GRM7: variants seen among roughly 807,000 people sequenced by gnomAD.
GRM7 encodes the protein metabotropic glutamate receptor 7.
A neutral mutation model predicts 84.5 loss-of-function variants in GRM7; 35 were observed. The observed-to-expected ratio is 0.41, with a 90% CI of 0.32 to 0.55. The LOEUF (loss-of-function observed/expected upper bound fraction) is 0.55. GRM7 is among the 20% of genes least tolerant of loss of function. The pLI is 0.19. For synonymous variants in GRM7, 487 were observed against 455.1 expected (o/e 1.07, Z -0.89); for missense variants, 1,003 against 1,194.6 (o/e 0.84, Z 2.36).
chr3:7,554,192 AC>A (rs781633503), intron 7 of GRM7, among the ~76,000 whole-genome samples: 1 of 152,176 alleles, frequency 6.6e-6, no homozygotes, highest in Admixed American at 6.5e-5. Context: ...CAGTCCTTGA[AC>A]CTAAAGCTTT....
intron 1 of GRM7, among the ~76,000 whole-genome samples, chr3:6,969,552 T>TA (rs1693656248): frequency 6.6e-6 from 1 of 152,176 alleles, no homozygotes; most frequent in South Asian, 2.1e-4. Context: ...TATAAAGAGC[T>TA]CTGTCAGGTT....
intron 4 of GRM7, among the ~76,000 whole-genome samples, chr3:7,388,336 C>T (rs1453458363): frequency 6.6e-6 from 1 of 151,910 alleles, no homozygotes; most frequent in Non-Finnish European, 1.5e-5. Context: ...CTGCTGGGTT[C>T]AGTTTGCTAG....
intron 4 of GRM7, among the ~76,000 whole-genome samples, chr3:7,332,753 A>T (rs566316170): frequency 2.5e-4 from 38 of 152,288 alleles, no homozygotes; most frequent in Non-Finnish European, 5.1e-4. Flanking sequence ...TTTGAAAGAA[A>T]CAGCTTACTG....
At chr3:7,262,620 T>C (rs1698475060) in intron 2 of GRM7, among the ~76,000 whole-genome samples, 1 of 152,248 alleles carries the variant, frequency 6.6e-6, no homozygotes, top group African/African-American at 2.4e-5. Context: ...CATCTAAGCC[T>C]GGTTAAGAAT....
intron 2 of GRM7, among the ~76,000 whole-genome samples, chr3:7,259,522 A>G (rs1698329745): frequency 6.6e-6 from 1 of 152,018 alleles, no homozygotes; most frequent in African/African-American, 2.4e-5. Context: ...CCCCACTTAT[A>G]AGTGATAATA....
At chr3:7,021,102 T>C (rs1874966) in intron 1 of GRM7, among the ~76,000 whole-genome samples, 46 of 152,310 alleles carry the variant, frequency 3.0e-4, no homozygotes, top group African/African-American at 9.1e-4. Context: ...CTTATTATCT[T>C]TGAGCTATTA....
chr3:7,089,601 A>G (rs1253558783), intron 1 of GRM7, among the ~76,000 whole-genome samples: 2 of 152,212 alleles, frequency 1.3e-5, no homozygotes, highest in Non-Finnish European at 2.9e-5. Context: ...GACAGTTAAC[A>G]TAAGCATGGA....
At chr3:7,359,092 A>ACTCAGTCCACGCCTTGT (rs1693542995) in intron 4 of GRM7, among the ~76,000 whole-genome samples, 2 of 139,796 alleles carry the variant, frequency 1.4e-5, no homozygotes, top group African/African-American at 5.6e-5. Flanking sequence ...AGCCTGAGTG[A>ACTCAGTCCACGCCTTGT]TAGAGTGAGA....
At chr3:7,299,714 A>G (rs1406803253) in intron 3 of GRM7, among the ~76,000 whole-genome samples, 1 of 150,878 alleles carries the variant, frequency 6.6e-6, no homozygotes. Flanking sequence ...TTTATCATGG[A>G]GATCACTGAA....
At chr3:7,064,505 C>CACATAT (rs1553612672) in intron 1 of GRM7, among the ~76,000 whole-genome samples, 1 of 101,002 alleles carries the variant, frequency 9.9e-6, no homozygotes, top group Non-Finnish European at 2.1e-5. Flanking sequence ...TATATATACA[C>CACATAT]ATATATATAT....
intron 4 of GRM7, among the ~76,000 whole-genome samples, chr3:7,375,150 A>G (rs1192744322): frequency 6.6e-6 from 1 of 151,656 alleles, no homozygotes; most frequent in Non-Finnish European, 1.5e-5. Context: ...TAAACAATCA[A>G]GTCCATACTG....
chr3:7,491,580 G>A (rs1317686618), intron 7 of GRM7, among the ~76,000 whole-genome samples: 1 of 152,200 alleles, frequency 6.6e-6, no homozygotes. Flanking sequence ...CATTGACAAG[G>A]TGAGGGAGGT....
At chr3:6,980,360 A>G (rs1233577236) in intron 1 of GRM7, among the ~76,000 whole-genome samples, 1 of 152,162 alleles carries the variant, frequency 6.6e-6, no homozygotes, top group African/African-American at 2.4e-5. Flanking sequence ...CATTTCATAT[A>G]TAATTTTTGG....
chr3:7,401,379 T>C (rs1438127555), intron 4 of GRM7, among the ~76,000 whole-genome samples: 1 of 152,126 alleles, frequency 6.6e-6, no homozygotes, highest in African/African-American at 2.4e-5. Context: ...CGTTTTGTTG[T>C]TGGAAACATC....
intron 8 of GRM7, among the ~76,000 whole-genome samples, chr3:7,675,520 G>C (rs1700086451): frequency 6.6e-6 from 1 of 152,154 alleles, no homozygotes; most frequent in African/African-American, 2.4e-5. Flanking sequence ...AAGGCATCTT[G>C]TGATATGCAT....
chr3:7,072,273 G>A (rs1341828805), intron 1 of GRM7, among the ~76,000 whole-genome samples: 1 of 152,112 alleles, frequency 6.6e-6, no homozygotes, highest in Non-Finnish European at 1.5e-5. Context: ...TGTCATACAT[G>A]AGGTTCTGTG....
rs1559547085 is a variant in GRM7 at position 7,276,802 on chromosome 3, C to CCTTCCTTCCTTT, written c.737-21879_737-21878insCCTTCCTTTCTT. Among the ~76,000 whole-genome samples the CCTTCCTTCCTTT allele has an allele frequency of 2.8e-5, 2 of 72,204 alleles. 1 individual carries two copies. Among genetic ancestry groups the CCTTCCTTCCTTT allele is most frequent in the Non-Finnish European group, 5.4e-5 (2 of 36,956 alleles). 47.4% of individuals were successfully genotyped at this position (72,204 alleles called of 152,430 possible). Reference sequence around the variant, plus strand: ...TCCTTCCTTCCTTCCTTCCTTCCTTCCTTTTTGGTGGTGGCATGTTGTTGT... The same window carrying CCTTCCTTCCTTT: ...TCCTTCCTTCCTTCCTTCCTTCCTTCCTTCCTTCCTTTCTTTTTGGTGGTGGCATGTTGTTGT... On this transcript the variant is annotated intron_variant, in intron 2 of 9. Coordinates refer to ENST00000357716, the MANE Select transcript of GRM7 (RefSeq NM_000844.4).
chr3:7,645,375 C>T (rs1028381536), intron 8 of GRM7, among the ~76,000 whole-genome samples: 8 of 151,562 alleles, frequency 5.3e-5, no homozygotes, highest in Non-Finnish European at 8.8e-5. Flanking sequence ...GGTGAAACCC[C>T]GTCACTACTA....
chr3:7,203,261 G>A (rs79419085), intron 2 of GRM7, among the ~76,000 whole-genome samples: 4 of 151,768 alleles, frequency 2.6e-5, no homozygotes, highest in Admixed American at 1.3e-4. Context: ...TATTCTCTAC[G>A]TCCATGAGAT....
Sources: allele counts gnomAD v4.1 joint callset (sites outside exome capture counted in the v4.1 genomes callset), GRCh38; gene constraint gnomAD v4.1.1; transcripts MANE v1.5; gene names NCBI Gene and HGNC (gene_info 2026-07-23, HGNC 2026-07-21).